SPECC1L: variants seen among roughly 807,000 people sequenced by gnomAD.
The protein encoded by SPECC1L is sperm antigen with calponin homology and coiled-coil domains 1 like, also known as cytospin-A.
SPECC1L carries 40 observed loss-of-function variants against 116.8 expected under a neutral mutation model. The observed-to-expected ratio is 0.34, with a 90% CI of 0.27 to 0.45. The LOEUF (loss-of-function observed/expected upper bound fraction) is 0.45. SPECC1L is among the 20% of genes least tolerant of loss of function. The pLI is 1.00. For missense variants in SPECC1L, 1,110 were observed against 1,373.6 expected, an observed-to-expected ratio of 0.81 and a Z score of 3.03; for synonymous variants, 504 against 500.6, an observed-to-expected ratio of 1.01 and a Z score of -0.09.
intron 4 of SPECC1L, among the ~76,000 whole-genome samples, chr22:24,313,855 C>T (rs2040507737): frequency 6.6e-6 from 1 of 151,744 alleles, no homozygotes; most frequent in Non-Finnish European, 1.5e-5. Flanking sequence ...TCTCCTGCCT[C>T]AGCCTCCTGA....
At chr22:24,407,167 GC>G (rs2146803448) in intron 14 of SPECC1L, among the ~76,000 whole-genome samples, 2 of 152,332 alleles carry the variant, frequency 1.3e-5, no homozygotes, top group Admixed American at 1.3e-4. Flanking sequence ...GGGAGGTAGG[GC>G]CCCCAGCTAG....
intron 3 of SPECC1L, chr22:24,304,436 C>T (rs2049448399): frequency 6.6e-6 from 1 of 152,262 alleles, no homozygotes; most frequent in Non-Finnish European, 1.5e-5. Context: ...AAATACAAAA[C>T]ACTACTGCTG....
At chr22:24,332,652 C>T (rs2040962006) in intron 8 of SPECC1L, among the ~76,000 whole-genome samples, 2 of 151,690 alleles carry the variant, frequency 1.3e-5, no homozygotes, top group African/African-American at 4.8e-5. Context: ...TACTCTTAAG[C>T]CAGACATTAA....
chr22:24,413,485 C>G (rs1390663809), intron 16 of SPECC1L, among the ~76,000 whole-genome samples: 1 of 152,196 alleles, frequency 6.6e-6, no homozygotes, highest in South Asian at 2.1e-4. Flanking sequence ...CCAGGGTCAC[C>G]TCCCCATCCC....
chr22:24,277,243 C>T (rs1258704985), intron 2 of SPECC1L, among the ~76,000 whole-genome samples: 2 of 152,184 alleles, frequency 1.3e-5, no homozygotes, highest in Non-Finnish European at 2.9e-5. Flanking sequence ...TCTTCTTCTA[C>T]CTCAACACTT....
rs2040766835 is a variant in SPECC1L, at chr22:24,323,792, A to G, written c.1939-428A>G. On this transcript the variant is annotated intron_variant, in intron 5 of 16. Transcript: ENST00000314328. ...CATACATGTTGAGAGGCTACTGTGAACTAATACTTTTGTAAAAACACTATT... is the reference window on the plus strand; with the variant it reads ...CATACATGTTGAGAGGCTACTGTGAGCTAATACTTTTGTAAAAACACTATT... Among the ~76,000 whole-genome samples, 4 of 152,232 alleles carry G rather than the reference A, an allele frequency of 2.6e-5. No homozygotes were observed. The South Asian group carries it at 6.2e-4, about 24-fold the overall frequency.
chr22:24,390,867 C>CTTTTTTTTTTTTT (rs1556306072), intron 14 of SPECC1L, among the ~76,000 whole-genome samples: 22 of 47,600 alleles, frequency 4.6e-4, no homozygotes, highest in African/African-American at 1.1e-3. Flanking sequence ...TTTTTTTTTT[C>CTTTTTTTTTTTTT]TTTTCTTTTT....
rs537308607 is a variant in SPECC1L, at chr22:24,382,583, G to T, written c.3087+13263G>T. Among the ~76,000 whole-genome samples the T allele has an allele frequency of 2.0e-5, 3 of 151,478 alleles. No homozygotes were observed. The East Asian group carries it at 5.8e-4, about 29-fold the overall frequency. On this transcript the variant is annotated intron_variant, in intron 14 of 16. Coordinates refer to ENST00000314328, the MANE Select transcript of SPECC1L (RefSeq NM_015330.6). ...CTGGGTACAGTGACGGGCGACTGTA[G>T]TTCCAGCTACTTGGGAGGCTGAGGC...
chr22:24,411,093 C>T (rs2042687483), intron 14 of SPECC1L, among the ~76,000 whole-genome samples: 1 of 152,018 alleles, frequency 6.6e-6, no homozygotes, highest in Admixed American at 6.6e-5. Context: ...GAGGCTGAAG[C>T]AGGAGAAATC....
chr22:24,408,797 G>A lies in SPECC1L; in HGVS notation c.3088-2791G>A, dbSNP rs548067137. Reference sequence around the variant, plus strand: ...CTTTGCACAGACACTGGAACGTTCTGGGCACGTGCAGTCAGAAGCCAGACA... The same window carrying A: ...CTTTGCACAGACACTGGAACGTTCTAGGCACGTGCAGTCAGAAGCCAGACA... On this transcript the variant is annotated intron_variant, in intron 14 of 16. Coordinates refer to ENST00000314328, the MANE Select transcript of SPECC1L (RefSeq NM_015330.6). Among the ~76,000 whole-genome samples, 22 of 152,352 alleles carry A rather than the reference G, an allele frequency of 1.4e-4. No homozygotes were observed. The South Asian group carries it at 3.1e-3, about 22-fold the overall frequency.
chr22:24,280,169 T>C (rs538953910), intron 2 of SPECC1L, among the ~76,000 whole-genome samples: 22 of 150,138 alleles, frequency 1.5e-4, no homozygotes, highest in Non-Finnish European at 2.6e-4. Flanking sequence ...GGAAATGAAT[T>C]GGGGGGTAAT....
chr22:24,352,294 A>G (rs17004902), intron 11 of SPECC1L, among the ~76,000 whole-genome samples: 170 of 152,338 alleles, frequency 1.1e-3, no homozygotes, highest in African/African-American at 4.0e-3. Flanking sequence ...CAGTGACCAG[A>G]TGAGCTCCAG....
chr22:24,283,558 CTT>C (rs1569402817), intron 2 of SPECC1L, among the ~76,000 whole-genome samples: 1 of 151,904 alleles, frequency 6.6e-6, no homozygotes, highest in Non-Finnish European at 1.5e-5. Context: ...TTTGTAATGT[CTT>C]TGTCAGATTT....
chr22:24,368,245 A>G (rs1016498270), intron 13 of SPECC1L, among the ~76,000 whole-genome samples: 10 of 152,308 alleles, frequency 6.6e-5, no homozygotes, highest in African/African-American at 1.9e-4. Context: ...ACTTACTATC[A>G]TATAGTAAAC....
intron 14 of SPECC1L, among the ~76,000 whole-genome samples, chr22:24,390,135 TAAA>T (rs397961386): frequency 2.2e-5 from 3 of 135,584 alleles, no homozygotes; most frequent in Non-Finnish European, 3.2e-5. Context: ...CCCCAACCCT[TAAA>T]AAAAAAAAAA....
chr22:24,409,782 G>A (rs1299040349), intron 14 of SPECC1L, among the ~76,000 whole-genome samples: 1 of 152,218 alleles, frequency 6.6e-6, no homozygotes, highest in Non-Finnish European at 1.5e-5. Flanking sequence ...TAATTTCACT[G>A]CTTTGGAGGC....
At position 24,392,862 on chromosome 22, in the gene SPECC1L, G is replaced by T. The variant is rs575705399; in HGVS notation, c.3088-18726G>T. 2.6e-5 allele frequency among the ~76,000 whole-genome samples: 4 copies of T among 152,318 alleles called. No homozygotes were observed. The East Asian group carries it at 7.7e-4, about 29-fold the overall frequency. On this transcript the variant is annotated intron_variant, in intron 14 of 16. Coordinates refer to ENST00000314328, the MANE Select transcript of SPECC1L (RefSeq NM_015330.6). ...ACTGGAGAGGTGGAACTAGCTGATG[G>T]CTCCCTCCCTTACAGGTCTGGTGGC...
At chr22:24,317,679 C>T (rs999826984) in intron 4 of SPECC1L, among the ~76,000 whole-genome samples, 1 of 152,148 alleles carries the variant, frequency 6.6e-6, no homozygotes, top group Non-Finnish European at 1.5e-5. Flanking sequence ...CCATCTCCCT[C>T]CTGGACGGGG....
Position 24,328,278 on chromosome 22 carries a change from A to T in SPECC1L, c.2147-568A>T, listed in dbSNP as rs9624459. Among the ~76,000 whole-genome samples, 111 of 152,314 alleles carry T rather than the reference A, an allele frequency of 7.3e-4. 1 individual carries two copies. Among genetic ancestry groups the T allele is most frequent in the African/African-American group, 2.6e-3 (107 of 41,562 alleles). On this transcript the variant is annotated intron_variant, in intron 6 of 16. Transcript: ENST00000314328. ...TAGAGTGAATGAAATTGTTCTAAGA[A>T]AATTCACATTATCGGATAAATAATT... is the stretch of plus-strand genomic sequence containing the variant.
Sources: allele counts gnomAD v4.1 joint callset (sites outside exome capture counted in the v4.1 genomes callset), GRCh38; gene constraint gnomAD v4.1.1; transcripts MANE v1.5; gene names NCBI Gene and HGNC (gene_info 2026-07-23, HGNC 2026-07-21).